The following WDR27 variants were observed in gnomAD, a reference collection of about 807,000 sequenced individuals.
The protein encoded by WDR27 is WD repeat domain 27.
WDR27 carries 100 observed loss-of-function variants against 114.4 expected under a neutral mutation model. The ratio of observed to expected loss-of-function variants is 0.87; its 90% CI spans 0.74 to 1.03. The LOEUF is 1.03. Ranked by LOEUF, WDR27 falls within the 50% of genes least tolerant of loss-of-function variation. WDR27 has a pLI of 0.00. For synonymous variants in WDR27, 449 were observed against 423.1 expected (o/e 1.06, Z -0.75); for missense variants, 1,129 against 1,092.9 (o/e 1.03, Z -0.47).
chr6:169,465,921 T>C (rs570779179), intron 25 of WDR27, among the ~76,000 whole-genome samples: 148 of 152,222 alleles, frequency 9.7e-4, no homozygotes, highest in Non-Finnish European at 1.7e-3. Flanking sequence ...GCTTACAAGA[T>C]AGAATTGTGG....
At chr6:169,701,320 T>C (rs560966487) in intron 1 of WDR27, among the ~76,000 whole-genome samples, 2 of 152,316 alleles carry the variant, frequency 1.3e-5, no homozygotes, top group East Asian at 1.9e-4. Flanking sequence ...AAACTTGCTG[T>C]TTGGCTCGAG....
chr6:169,661,001 G>A lies in WDR27; in HGVS notation c.1026-235C>T, dbSNP rs887668817. Reference sequence around the variant, plus strand: ...TGTGAGCTCTCCGCAGGAGTGGGGAGCGTGGGCGTTGGGCCCCACGTGCGC... The same window carrying A: ...TGTGAGCTCTCCGCAGGAGTGGGGAACGTGGGCGTTGGGCCCCACGTGCGC... On this transcript the variant is annotated intron_variant, in intron 9 of 25. Coordinates refer to ENST00000448612, the MANE Select transcript of WDR27 (RefSeq NM_182552.5). Among the ~76,000 whole-genome samples the A allele has an allele frequency of 2.5e-4, 38 of 150,610 alleles. No homozygotes were observed. In the East Asian group the frequency reaches 7.4e-3, roughly 29 times the overall value.
chr6:169,618,747 G>T (rs1011193347), intron 21 of WDR27, among the ~76,000 whole-genome samples: 1 of 151,796 alleles, frequency 6.6e-6, no homozygotes, highest in African/African-American at 2.4e-5. Context: ...ACAGCATTTG[G>T]GCCAATGATA....
rs535513289 is a variant in WDR27, at chr6:169,573,801, G to A, written c.2524-1261C>T. ...TCCTGAACTCCCTGTGTGAACAGTA[G>A]GCTCCCTCTGCAGCCCACACTTTCA... On this transcript the variant is annotated intron_variant, in intron 24 of 25. Coordinates refer to ENST00000448612, the MANE Select transcript of WDR27 (RefSeq NM_182552.5). 3.6e-4 allele frequency among the ~76,000 whole-genome samples: 55 copies of A among 152,300 alleles called. 2 individuals are homozygous for A. In the South Asian group the frequency reaches 0.011, roughly 30 times the overall value.
chr6:169,616,963 C>G lies in WDR27; in HGVS notation c.2224-3307G>C, dbSNP rs145368420. On this transcript the variant is annotated intron_variant, in intron 21 of 25. Transcript: ENST00000448612. ...ATAATAAAAATAGTGCATGCCCAAA[C>G]TGGTAAAGTGCAATTTCAGCATGAA... Among the ~76,000 whole-genome samples the G allele has an allele frequency of 6.0e-3, 911 of 152,164 alleles. 9 individuals are homozygous for G. The highest frequency in any genetic ancestry group is 0.021 in the African/African-American group (852 of 41,520).
chr6:169,630,158 T>C (rs1320706802), intron 21 of WDR27, among the ~76,000 whole-genome samples: 2 of 152,228 alleles, frequency 1.3e-5, no homozygotes, highest in African/African-American at 4.8e-5. Context: ...TAGCAATCTT[T>C]ATCTTTAGAT....
chr6:169,701,276 C>G (rs190411767), intron 1 of WDR27, among the ~76,000 whole-genome samples: 155 of 152,112 alleles, frequency 1.0e-3, no homozygotes, highest in African/African-American at 3.6e-3. Context: ...TAGAAAAGAT[C>G]GAAATTTTTC....
intron 25 of WDR27, among the ~76,000 whole-genome samples, chr6:169,489,988 C>A (rs1789534615): frequency 6.6e-6 from 1 of 152,208 alleles, no homozygotes; most frequent in African/African-American, 2.4e-5. Context: ...GCAGGGCATT[C>A]ACACTGGGTT....
chr6:169,642,016 A>G (rs925060882), intron 17 of WDR27, among the ~76,000 whole-genome samples: 8 of 152,238 alleles, frequency 5.3e-5, no homozygotes, highest in African/African-American at 1.2e-4. Flanking sequence ...GCAGAAACAC[A>G]TAACTCCTTT....
intron 22 of WDR27, among the ~76,000 whole-genome samples, chr6:169,605,837 G>C (rs984054092): frequency 6.6e-6 from 1 of 151,994 alleles, no homozygotes; most frequent in Non-Finnish European, 1.5e-5. Context: ...TTTGAAAGCT[G>C]ACAAAATCAA....
At chr6:169,593,041 T>A (rs542365816) in intron 23 of WDR27, among the ~76,000 whole-genome samples, 2 of 152,240 alleles carry the variant, frequency 1.3e-5, no homozygotes, top group Non-Finnish European at 2.9e-5. Context: ...GTTAATGCAC[T>A]AATTCTATGT....
At chr6:169,427,371 C>T in the WDR27 span, among the ~76,000 whole-genome samples, 1 of 152,166 alleles carries the variant, frequency 6.6e-6, no homozygotes, top group African/African-American at 2.4e-5. Context: ...TGAGAATCTC[C>T]CTCTGTCCTT....
At position 169,572,543 on chromosome 6, in the gene WDR27, CAAAAAAAAAAAAAAA is replaced by C. The variant is rs376783967; in HGVS notation, c.2524-18_2524-4del. ...TGGGCGACAGAGCGAGACTCCATCT[CAAAAAAAAAAAAAAA>C]AAAAAAAAAAATTAGAAGAATTCCA... On this transcript the variant is annotated splice_polypyrimidine_tract_variant and splice_region_variant and intron_variant, in intron 24 of 25. Coordinates refer to ENST00000448612, the MANE Select transcript of WDR27 (RefSeq NM_182552.5). 4 of 92,442 alleles carry C rather than the reference CAAAAAAAAAAAAAAA, an allele frequency of 4.3e-5. No individual in the cohort carries two copies. Among genetic ancestry groups the C allele is most frequent in the African/African-American group, 2.3e-4 (4 of 17,294 alleles). The allele number at this position is 92,442 out of a possible 1,614,324, so 5.7% of individuals were successfully genotyped here. A position where few individuals can be genotyped will look rare whatever the true frequency, so the allele number is the denominator to read the frequency against.
chr6:169,690,990 C>A (rs1325870126), intron 1 of WDR27, among the ~76,000 whole-genome samples: 1 of 152,100 alleles, frequency 6.6e-6, no homozygotes. Flanking sequence ...CCGAGGCGGG[C>A]GGATCACGAG....
intron 2 of WDR27, among the ~76,000 whole-genome samples, chr6:169,675,915 A>G (rs1235931275): frequency 6.6e-6 from 1 of 152,188 alleles, no homozygotes; most frequent in Non-Finnish European, 1.5e-5. Flanking sequence ...TTCTCTATAG[A>G]ATATGGATTT....
chr6:169,647,721 T>G lies in WDR27; in HGVS notation c.1657+52A>C, dbSNP rs1335734065. 2.1e-6 allele frequency: 3 copies of G among 1,397,362 alleles called. No individual in the cohort carries two copies. The East Asian group carries it at 7.4e-5, about 35-fold the overall frequency. 86.6% of individuals were successfully genotyped at this position (1,397,362 alleles called of 1,614,324 possible). On this transcript the variant is annotated intron_variant, in intron 16 of 25. Coordinates refer to ENST00000448612, the MANE Select transcript of WDR27 (RefSeq NM_182552.5). ...AGAAAAATGTTTACAGTGGGCAGAA[T>G]CAAAGACTCTTACAATGAAATGCTA... is the stretch of plus-strand genomic sequence containing the variant.
intron 18 of WDR27, among the ~76,000 whole-genome samples, chr6:169,637,202 C>T (rs1454772967): frequency 6.6e-6 from 1 of 152,174 alleles, no homozygotes; most frequent in Non-Finnish European, 1.5e-5. Context: ...CTGTTCTGCT[C>T]CCAAATGATC....
chr6:169,461,763 A>C (rs904425578), intron 25 of WDR27, among the ~76,000 whole-genome samples: 1 of 151,950 alleles, frequency 6.6e-6, no homozygotes, highest in Admixed American at 6.6e-5. Flanking sequence ...AATAAGAAAG[A>C]TCAGAGCAAA....
chr6:169,656,547 A>AG (rs1031457584), intron 13 of WDR27, among the ~76,000 whole-genome samples: 11 of 152,090 alleles, frequency 7.2e-5, no homozygotes, highest in Non-Finnish European at 1.6e-4. Context: ...TGTGGGGTCC[A>AG]GGAAGACGAA....
Sources: allele counts gnomAD v4.1 joint callset (sites outside exome capture counted in the v4.1 genomes callset), GRCh38; gene constraint gnomAD v4.1.1; transcripts MANE v1.5; gene names NCBI Gene and HGNC (gene_info 2026-07-23, HGNC 2026-07-21).